The following ADCYAP1R1 variants were observed in gnomAD, a reference collection of about 807,000 sequenced individuals.
The protein encoded by ADCYAP1R1 is pituitary adenylate cyclase-activating polypeptide type I receptor.
A neutral mutation model predicts 67.6 loss-of-function variants in ADCYAP1R1; 44 were observed. The observed-to-expected ratio is 0.65, with a 90% CI of 0.51 to 0.84. The LOEUF (loss-of-function observed/expected upper bound fraction) is 0.84, where lower values mean the gene tolerates loss of function less well. Ranked by LOEUF, ADCYAP1R1 falls within the 40% of genes least tolerant of loss-of-function variation. ADCYAP1R1 has a pLI of 0.00. For synonymous variants in ADCYAP1R1, 222 were observed against 219.6 expected, an observed-to-expected ratio of 1.01 and a Z score of -0.10; for missense variants, 477 against 587.9, an observed-to-expected ratio of 0.81 and a Z score of 1.95.
In ADCYAP1R1 at chr7:31,086,354, C is replaced by T. The variant is rs375760330; in HGVS notation, c.670-30C>T. 4.3e-5 allele frequency: 69 copies of T among 1,609,298 alleles called. 1 individual carries two copies. The South Asian group carries it at 5.3e-4, about 12-fold the overall frequency. ...CTTGCTCCTGTTCCTGTTGGGCTCA[C>T]GCCCCTCACCCTGGCGCTTCTCCCT... On this transcript the variant is annotated intron_variant, in intron 9 of 15. Coordinates refer to ENST00000304166, the MANE Select transcript of ADCYAP1R1 (RefSeq NM_001118.5). The surrounding 1 kb of genome is among the most constrained non-coding windows in gnomAD (Gnocchi z 5.0).
At position 31,110,113 on chromosome 7, in the gene ADCYAP1R1, G is replaced by A; in HGVS notation, c.*3429G>A. The A allele has an allele frequency of 6.7e-6, 1 of 148,862 alleles. No individual in the cohort carries two copies. Among genetic ancestry groups the A allele is most frequent in the Non-Finnish European group, 1.5e-5 (1 of 67,680 alleles). 9.2% of individuals were successfully genotyped at this position (148,862 alleles called of 1,614,324 possible). The stretch of plus-strand genomic sequence containing the variant: ...ATCCTCACTCTTTGTGGAAGGGAAA[G>A]CTCAAAGGGACTCTCTCTCTCTCTC... On this transcript the variant is annotated 3_prime_UTR_variant, in exon 16 of 16. Transcript: ENST00000304166.
chr7:31,056,221 G>A (rs1562623081), intron 1 of ADCYAP1R1, among the ~76,000 whole-genome samples: 1 of 152,194 alleles, frequency 6.6e-6, no homozygotes, highest in Non-Finnish European at 1.5e-5. Context: ...TAAAGGGCGG[G>A]TGCTGCCTGA....
intron 3 of ADCYAP1R1, among the ~76,000 whole-genome samples, chr7:31,074,076 G>A (rs1377685430): frequency 6.6e-6 from 1 of 152,186 alleles, no homozygotes; most frequent in Non-Finnish European, 1.5e-5. Context: ...GGCACCAGTA[G>A]GTCCTGGGTG....
rs79686350 is a variant in ADCYAP1R1 at position 31,057,312 on chromosome 7, C to G, written c.-72+4634C>G. On this transcript the variant is annotated intron_variant, in intron 1 of 15. Transcript: ENST00000304166. ...CTGACTCCTCCAGGTCAGGAGAGGT[C>G]CCTGCACCATCCAGTATGGAAGAGA... Among the ~76,000 whole-genome samples, 268 of 152,280 alleles carry G rather than the reference C, an allele frequency of 1.8e-3. 5 individuals are homozygous for G. In the East Asian group the frequency reaches 0.042, roughly 24 times the overall value.
intron 13 of ADCYAP1R1, chr7:31,095,578 C>A (rs1054243652): frequency 2.8e-6 from 2 of 711,566 alleles, no homozygotes; most frequent in Admixed American, 2.0e-5. Flanking sequence ...GTGCCAGAGT[C>A]CCCTGGGGTA....
At position 31,103,381 on chromosome 7, in the gene ADCYAP1R1, T is replaced by C; in HGVS notation, c.1176+15T>C. On this transcript the variant is annotated intron_variant, in intron 14 of 15. Coordinates refer to ENST00000304166, the MANE Select transcript of ADCYAP1R1 (RefSeq NM_001118.5). Reference sequence around the variant, plus strand: ...GCTCCTTCCAGGTAGGTGTGGCACATGGGGAGGACAGAACTCACTGGGAGC... The same window carrying C: ...GCTCCTTCCAGGTAGGTGTGGCACACGGGGAGGACAGAACTCACTGGGAGC... 6.2e-7 allele frequency: 1 copy of C among 1,614,022 alleles called. No homozygotes were observed. The highest frequency in any genetic ancestry group is 8.5e-7 in the Non-Finnish European group (1 of 1,179,968).
chr7:31,065,957 G>C (rs1476655142), intron 3 of ADCYAP1R1, among the ~76,000 whole-genome samples: 2 of 152,250 alleles, frequency 1.3e-5, no homozygotes, highest in Non-Finnish European at 2.9e-5. Flanking sequence ...TTCTCAGTGA[G>C]CATTAACTGG....
rs1795700161 is a variant in ADCYAP1R1 at position 31,085,438 on chromosome 7, C to T, written c.665C>T (p.Ser222Phe). 6.2e-7 allele frequency: 1 copy of T among 1,612,704 alleles called. No homozygotes were observed. The highest frequency in any genetic ancestry group is 1.3e-5 in the African/African-American group (1 of 75,046). The change falls in exon 9 of 16, where the codon TCC becomes TTC. Residue 222 changes from serine to phenylalanine, a missense_variant. Physicochemically the swap from Ser to Phe is radical, Grantham distance 155. Coordinates refer to ENST00000304166, the MANE Select transcript of ADCYAP1R1 (RefSeq NM_001118.5). Reference protein sequence around the residue: ...AEQDSNHCFISTVECKAVMVF... With the variant: ...AEQDSNHCFIFTVECKAVMVF... The stretch of plus-strand genomic sequence containing the variant: ...CAGGACAGCAACCACTGCTTCATCT[C>T]CACTGTGAGTGAGCCAAGCAGACCC...
chr7:31,061,486 G>T (rs952228223), intron 1 of ADCYAP1R1, among the ~76,000 whole-genome samples: 1 of 152,232 alleles, frequency 6.6e-6, no homozygotes, highest in African/African-American at 2.4e-5. Flanking sequence ...TAGAGATGGT[G>T]CCTCAGGGTG....
At chr7:31,053,309 C>A (rs527393955) in intron 1 of ADCYAP1R1, among the ~76,000 whole-genome samples, 1 of 152,330 alleles carries the variant, frequency 6.6e-6, no homozygotes, top group African/African-American at 2.4e-5. Flanking sequence ...GATGCCAGGG[C>A]TTCAGTGGTC....
At position 31,084,823 on chromosome 7, in the gene ADCYAP1R1, T is replaced by C. The variant is rs752976784; in HGVS notation, c.525T>C (p.Leu175=). The C allele has an allele frequency of 6.2e-7, 1 of 1,614,118 alleles. No individual in the cohort carries two copies. Among genetic ancestry groups the C allele is most frequent in the South Asian group, 1.1e-5 (1 of 91,074 alleles). Residue 175 remains leucine, a synonymous_variant, in exon 8 of 16, where the codon CTT becomes CTC. Coordinates refer to ENST00000304166, the MANE Select transcript of ADCYAP1R1 (RefSeq NM_001118.5). Reference sequence around the variant, plus strand: ...CCCTCACCACTGCCATGGTCATCCTTTGTCGCTTCCGGTGAGACCCTCAGC... The same window carrying C: ...CCCTCACCACTGCCATGGTCATCCTCTGTCGCTTCCGGTGAGACCCTCAGC... The part of the protein sequence containing the change: ...LVTLTTAMVI[L]CRFRKLHCTR...
At chr7:31,053,069 C>T (rs1318026079) in intron 1 of ADCYAP1R1, among the ~76,000 whole-genome samples, 1 of 151,826 alleles carries the variant, frequency 6.6e-6, no homozygotes, top group Non-Finnish European at 1.5e-5. Context: ...GACATGCCTC[C>T]CTACCCTTAG....
Position 31,087,780 on chromosome 7 carries a change from C to T in ADCYAP1R1, c.954+84C>T, listed in dbSNP as rs913300649. 8 of 1,099,924 alleles carry T rather than the reference C, an allele frequency of 7.3e-6. No individual in the cohort carries two copies. In the African/African-American group the frequency reaches 1.1e-4, roughly 15 times the overall value. 68.1% of individuals were successfully genotyped at this position (1,099,924 alleles called of 1,614,324 possible). On this transcript the variant is annotated intron_variant, in intron 12 of 15. Transcript: ENST00000304166. The stretch of plus-strand genomic sequence containing the variant: ...GCGAGGAAGAGAAATGAAAGAGTCC[C>T]CACACAACCTGACTTCCTCCTCTGT...
chr7:31,090,687 T>A (rs192639945), intron 12 of ADCYAP1R1, among the ~76,000 whole-genome samples: 52 of 152,248 alleles, frequency 3.4e-4, no homozygotes, highest in Non-Finnish European at 6.0e-4. Context: ...TTTCTGTTTC[T>A]CTGTTAATTC....
At chr7:31,070,268 G>GT (rs1419183664) in intron 3 of ADCYAP1R1, among the ~76,000 whole-genome samples, 1 of 152,210 alleles carries the variant, frequency 6.6e-6, no homozygotes, top group African/African-American at 2.4e-5. Flanking sequence ...AGGGCTGCAG[G>GT]TTTTCATCAG....
chr7:31,099,791 C>T (rs1796358319), intron 13 of ADCYAP1R1, among the ~76,000 whole-genome samples: 1 of 152,216 alleles, frequency 6.6e-6, no homozygotes, highest in Admixed American at 6.5e-5. Context: ...TTGGAGCCAA[C>T]TCTGGAGGCA....
chr7:31,066,914 T>G (rs1302082561), intron 3 of ADCYAP1R1, among the ~76,000 whole-genome samples: 3,050 of 152,282 alleles, frequency 0.02, 93 homozygotes, highest in African/African-American at 0.07. Flanking sequence ...TATTTGGAAC[T>G]CAGTATTGGA....
chr7:31,065,003 C>T (rs1018710180), intron 3 of ADCYAP1R1, 67 bp downstream of exon 3: 1 of 1,247,704 alleles, frequency 8.0e-7, no homozygotes, highest in Non-Finnish European at 1.1e-6. Flanking sequence ...TTCCTGTGCT[C>T]AGGCTCGGCC....
intron 3 of ADCYAP1R1, among the ~76,000 whole-genome samples, chr7:31,069,932 G>T (rs1156447583): frequency 1.3e-5 from 2 of 152,188 alleles, no homozygotes; most frequent in African/African-American, 2.4e-5. Context: ...TAGTCATTTT[G>T]TCCCTTGTTC....
Sources: allele counts gnomAD v4.1 joint callset (sites outside exome capture counted in the v4.1 genomes callset), GRCh38; gene constraint gnomAD v4.1.1; non-coding constraint Gnocchi (gnomAD v3.1); transcripts MANE v1.5; gene names NCBI Gene and HGNC (gene_info 2026-07-23, HGNC 2026-07-21).